Variants in RGPD3 observed in about 807,000 individuals in gnomAD.
RGPD3 encodes the protein ranBP2-like and GRIP domain-containing protein 3.
A neutral mutation model predicts 154.5 loss-of-function variants in RGPD3; 62 were observed. That is an observed-to-expected ratio of 0.40 (90% CI 0.33 to 0.50). RGPD3 has a LOEUF of 0.50. Among genes scored for constraint, RGPD3 ranks in the 20% least tolerant of loss-of-function variants. The pLI is 0.59. For synonymous variants in RGPD3, 308 were observed against 607.0 expected (o/e 0.51, Z 7.24); for missense variants, 919 against 1,716.8 (o/e 0.54, Z 8.21).
chr2:106,449,834 A>G (rs28850997), intron 6 of RGPD3, among the ~76,000 whole-genome samples: 286 of 148,942 alleles, frequency 1.9e-3, no homozygotes, highest in African/African-American at 6.7e-3. Context: ...TGGCTAACAC[A>G]GTGAAACCCC....
intron 6 of RGPD3, among the ~76,000 whole-genome samples, chr2:106,449,356 C>T (rs1427287040): frequency 2.9e-4 from 41 of 143,148 alleles, no homozygotes; most frequent in African/African-American, 1.0e-3. Flanking sequence ...ATTCCAGCTA[C>T]TTGGGAGGCT....
intron 6 of RGPD3, among the ~76,000 whole-genome samples, chr2:106,448,049 T>C (rs1386799865): frequency 6.6e-6 from 1 of 150,838 alleles, no homozygotes; most frequent in African/African-American, 2.4e-5. Flanking sequence ...GGTATTTGAG[T>C]ATCAATACAG....
chr2:106,450,247 G>A (rs1216655480), intron 6 of RGPD3, among the ~76,000 whole-genome samples: 10 of 80,346 alleles, frequency 1.2e-4, no homozygotes, highest in Non-Finnish European at 5.2e-5. Flanking sequence ...GAGCGTGGTG[G>A]TGGGCGCCTG....
In RGPD3 at chr2:106,424,144, T is replaced by G; in HGVS notation, c.3823A>C (p.Ser1275Arg). The G allele has an allele frequency of 6.2e-7, 1 of 1,610,970 alleles. No individual in the cohort carries two copies. Among genetic ancestry groups the G allele is most frequent in the Non-Finnish European group, 8.5e-7 (1 of 1,179,508 alleles). ...SSSVHASPLA[S>R]SPVRKNLFHF... The stretch of plus-strand genomic sequence containing the variant: ...AAAAGATTTTTTCTCACAGGGCTAC[T>G]TGCCAATGGAGAAGCATGTACTGAG... The change falls in exon 20 of 23, where the codon AGT (serine) becomes CGT (arginine). Residue 1275 changes from serine to arginine, a missense_variant. Physicochemically the swap from Ser to Arg is moderately radical, Grantham distance 110 (BLOSUM62 -1). Transcript: ENST00000409886.
At chr2:106,461,595 A>G (rs918701489) in intron 1 of RGPD3, among the ~76,000 whole-genome samples, 4 of 151,374 alleles carry the variant, frequency 2.6e-5, no homozygotes, top group African/African-American at 9.7e-5. Flanking sequence ...GCAGGTAAGT[A>G]AAACCACGTA....
At position 106,445,373 on chromosome 2, in the gene RGPD3, T is replaced by C. The variant is rs1291340496; in HGVS notation, c.978+2045A>G. Among the ~76,000 whole-genome samples, 36 of 150,186 alleles carry C rather than the reference T, an allele frequency of 2.4e-4. No homozygotes were observed. In the South Asian group the frequency reaches 7.3e-3, roughly 31 times the overall value. The stretch of plus-strand genomic sequence containing the variant: ...AGAACCTTTTAATGTTTGTATTACC[T>C]AGTGAACCTCACTAAATCCATTAAT... On this transcript the variant is annotated intron_variant, in intron 7 of 22. Coordinates refer to ENST00000409886, the MANE Select transcript of RGPD3 (RefSeq NM_001144013.2).
chr2:106,412,876 T>C, intron 22 of RGPD3: 1 of 611,600 alleles, frequency 1.6e-6, no homozygotes. Context: ...TATTGTATTT[T>C]GCTGAACGTT....
chr2:106,445,072 A>C (rs1488461823), intron 7 of RGPD3, among the ~76,000 whole-genome samples: 4 of 133,192 alleles, frequency 3.0e-5, no homozygotes. Context: ...CAAGATCATG[A>C]GGTCAGGAGA....
At chr2:106,420,588 C>G (rs1209648073) in intron 20 of RGPD3, among the ~76,000 whole-genome samples, 2 of 152,338 alleles carry the variant, frequency 1.3e-5, no homozygotes, top group African/African-American at 2.4e-5. Context: ...AACACACACA[C>G]TGGATTTTGA....
chr2:106,436,233 C>T lies in RGPD3; in HGVS notation c.1648G>A (p.Ala550Thr). Residue 550 changes from alanine to threonine, a missense_variant, in exon 12 of 23, where the codon GCA (alanine) becomes ACA (threonine). By Grantham distance (58) the Ala-to-Thr change is moderately conservative. Coordinates refer to ENST00000409886, the MANE Select transcript of RGPD3 (RefSeq NM_001144013.2). ...IHRKAVPGNS[A>T]KLRLLVQHEI... is the part of the protein sequence containing the mutation. ...TGCTGAACTAGAAGTCTCAATTTTG[C>T]TGAGTTTCCAGGTCTAAAAAATAGT... 6.2e-6 allele frequency: 10 copies of T among 1,611,870 alleles called. No individual in the cohort carries two copies. The highest frequency in any genetic ancestry group is 8.5e-6 in the Non-Finnish European group (10 of 1,179,848).
At chr2:106,461,565 AT>A in intron 1 of RGPD3, among the ~76,000 whole-genome samples, 1 of 151,652 alleles carries the variant, frequency 6.6e-6, no homozygotes, top group Non-Finnish European at 1.5e-5. Context: ...TCCATTCAAT[AT>A]TTTTGGACCA....
intron 6 of RGPD3, among the ~76,000 whole-genome samples, chr2:106,449,559 C>G (rs1432182636): frequency 6.8e-6 from 1 of 148,146 alleles, no homozygotes; most frequent in Non-Finnish European, 1.5e-5. Context: ...GTTTTAATTT[C>G]TAATGTAATA....
intron 22 of RGPD3, 28 bp from the exon 23 acceptor site, chr2:106,405,257 A>G (rs1375156602): frequency 6.2e-7 from 1 of 1,604,850 alleles, no homozygotes; most frequent in Non-Finnish European, 8.5e-7. Context: ...AAAAAAAAGA[A>G]AAAAGAGAGT....
intron 1 of RGPD3, 103 bp downstream of exon 1, chr2:106,468,114 C>G (rs1320147307): frequency 4.9e-5 from 70 of 1,423,796 alleles, no homozygotes; most frequent in Middle Eastern, 2.6e-4. Context: ...GAGCAGCGCT[C>G]GTCGGGAGCC....
At chr2:106,462,523 G>A (rs919668952) in intron 1 of RGPD3, among the ~76,000 whole-genome samples, 2 of 151,242 alleles carry the variant, frequency 1.3e-5, no homozygotes, top group Admixed American at 1.3e-4. Context: ...ATTCACTTAA[G>A]CTGCCAAATA....
intron 22 of RGPD3, among the ~76,000 whole-genome samples, chr2:106,410,673 T>C (rs1261721635): frequency 2.6e-5 from 4 of 152,180 alleles, no homozygotes; most frequent in Non-Finnish European, 4.4e-5. Flanking sequence ...AGTTATAATT[T>C]TGAGATTTCT....
At chr2:106,467,072 G>T (rs1380416985) in intron 1 of RGPD3, among the ~76,000 whole-genome samples, 8 of 121,516 alleles carry the variant, frequency 6.6e-5, no homozygotes, top group African/African-American at 2.2e-4. Flanking sequence ...GAGCCATGAC[G>T]CCTGAGCCAT....
rs777452102 is a variant in RGPD3, at chr2:106,468,274, C to G, written c.15G>C (p.Lys5Asn). 3 of 1,607,328 alleles carry G rather than the reference C, an allele frequency of 1.9e-6. No homozygotes were observed. The highest frequency in any genetic ancestry group is 1.7e-5 in the Admixed American group (1 of 59,452). ...AGGCGACGTACCGCTCCCCGTAGGCCTTGCTGCAACTCATCGCGCCACCAA... is the reference window on the plus strand; with the variant it reads ...AGGCGACGTACCGCTCCCCGTAGGCGTTGCTGCAACTCATCGCGCCACCAA... Reference protein sequence around the residue: MSCSKAYGERYVASV... With the variant: MSCSNAYGERYVASV... The change falls in exon 1 of 23, where the codon AAG becomes AAC. Residue 5 changes from lysine (K) to asparagine (N), a missense_variant. By Grantham distance (94) the Lys-to-Asn change is moderately conservative. Transcript: ENST00000409886.
intron 1 of RGPD3, among the ~76,000 whole-genome samples, chr2:106,466,497 G>T (rs1428787199): frequency 1.5e-5 from 2 of 133,772 alleles, no homozygotes; most frequent in African/African-American, 2.8e-5. Context: ...GCGCGCCAGG[G>T]AGCAGCGCCC....
Sources: gnomAD v4.1 joint callset for allele counts (sites outside exome capture counted in the v4.1 genomes callset) on GRCh38, gnomAD v4.1.1 for gene constraint, MANE v1.5 for transcripts, NCBI Gene and HGNC (gene_info 2026-07-23, HGNC 2026-07-21) for gene names.